The following NUDT3 variants were observed in gnomAD, a reference collection of about 807,000 sequenced individuals.
NUDT3 encodes nudix hydrolase 3, also known as diphosphoinositol polyphosphate phosphohydrolase 1.
Under a neutral mutation model 23.6 loss-of-function variants are expected in NUDT3, and 9 were observed. That is an observed-to-expected ratio of 0.38 (90% CI 0.23 to 0.66). The LOEUF is 0.66. NUDT3 is among the 30% of genes least tolerant of loss of function. The probability of loss-of-function intolerance (pLI) is 0.52; values close to 1 mark genes in which losing one functional copy is unlikely to be tolerated. For missense variants in NUDT3, 172 were observed against 218.5 expected, an observed-to-expected ratio of 0.79 and a Z score of 1.34; for synonymous variants, 86 against 82.6, an observed-to-expected ratio of 1.04 and a Z score of -0.22.
intron 2 of NUDT3, among the ~76,000 whole-genome samples, chr6:34,312,222 C>G (rs1204649866): frequency 6.6e-6 from 1 of 151,794 alleles, no homozygotes; most frequent in Non-Finnish European, 1.5e-5. Flanking sequence ...GCCAACATGC[C>G]AAAACCCCGT....
At position 34,345,761 on chromosome 6, in the gene NUDT3, C is replaced by CTTTTG. The variant is rs139229590; in HGVS notation, c.100-3794_100-3790dup. Among the ~76,000 whole-genome samples, 732 of 150,692 alleles carry CTTTTG rather than the reference C, an allele frequency of 4.9e-3. 6 individuals are homozygous for CTTTTG. The highest frequency in any genetic ancestry group is 0.016 in the African/African-American group (641 of 41,092). ...GTAACCTTCCAGAAGGTTATCCTTACTTTTGTTTTGTTTTGTTTTGTTTTG... is the reference window on the plus strand; with the variant it reads ...GTAACCTTCCAGAAGGTTATCCTTACTTTTGTTTTGTTTTGTTTTGTTTTGTTTTG... On this transcript the variant is annotated intron_variant, in intron 1 of 4. Transcript: ENST00000607016.
chr6:34,350,709 A>G (rs909525884), intron 1 of NUDT3, among the ~76,000 whole-genome samples: 1 of 150,800 alleles, frequency 6.6e-6, no homozygotes, highest in Non-Finnish European at 1.5e-5. Context: ...TATTTTTTTT[A>G]GCTACAGAGG....
Position 34,308,511 on chromosome 6 carries a change from G to C in NUDT3, c.211-12826C>G, listed in dbSNP as rs144347333. Reference sequence around the variant, plus strand: ...ACTGTCAGAGTGCATCACAAAACAAGAGTCATCCAATATGTTTAATATGTT... The same window carrying C: ...ACTGTCAGAGTGCATCACAAAACAACAGTCATCCAATATGTTTAATATGTT... On this transcript the variant is annotated intron_variant, in intron 2 of 4. Transcript: ENST00000607016. Among the ~76,000 whole-genome samples the C allele has an allele frequency of 4.7e-5, 7 of 149,598 alleles. No homozygotes were observed. The East Asian group carries it at 1.2e-3, about 25-fold the overall frequency.
intron 1 of NUDT3, among the ~76,000 whole-genome samples, chr6:34,380,670 G>A (rs1667066230): frequency 6.6e-6 from 1 of 152,088 alleles, no homozygotes; most frequent in Non-Finnish European, 1.5e-5. Context: ...ATGTCCTTGG[G>A]GATGAGAAAA....
chr6:34,362,970 C>A (rs1349861808), intron 1 of NUDT3, among the ~76,000 whole-genome samples: 1 of 152,126 alleles, frequency 6.6e-6, no homozygotes, highest in African/African-American at 2.4e-5. Context: ...CATGAGCTAA[C>A]CCTCATGAGA....
At chr6:34,324,056 TA>T (rs2113720072) in intron 2 of NUDT3, among the ~76,000 whole-genome samples, 1 of 152,218 alleles carries the variant, frequency 6.6e-6, no homozygotes, top group South Asian at 2.1e-4. Context: ...CAGGAGCACT[TA>T]AAAGCCTTCA....
chr6:34,340,510 A>C (rs1000347618), intron 2 of NUDT3, among the ~76,000 whole-genome samples: 2 of 152,210 alleles, frequency 1.3e-5, no homozygotes, highest in Non-Finnish European at 2.9e-5. Flanking sequence ...ATTAACTGAC[A>C]GTAACAGAAA....
chr6:34,321,497 G>T (rs986007030), intron 2 of NUDT3, among the ~76,000 whole-genome samples: 1 of 152,006 alleles, frequency 6.6e-6, no homozygotes, highest in Non-Finnish European at 1.5e-5. Context: ...ATCATTAATA[G>T]AATTAGTTTT....
At chr6:34,290,455 A>C (rs1457002776) in intron 4 of NUDT3, among the ~76,000 whole-genome samples, 2 of 145,272 alleles carry the variant, frequency 1.4e-5, no homozygotes, top group Non-Finnish European at 3.0e-5. Flanking sequence ...TCCTGGCCTC[A>C]AGTGATCCTC....
At chr6:34,292,490 C>G (rs1480210252) in intron 4 of NUDT3, among the ~76,000 whole-genome samples, 3 of 152,054 alleles carry the variant, frequency 2.0e-5, no homozygotes, top group Non-Finnish European at 4.4e-5. Context: ...TAACAGCCAT[C>G]TGAGATCAAA....
intron 2 of NUDT3, among the ~76,000 whole-genome samples, chr6:34,328,150 C>G: frequency 6.6e-6 from 1 of 152,156 alleles, no homozygotes; most frequent in Non-Finnish European, 1.5e-5. Context: ...GCCTCGGCAC[C>G]TGGGTAATCT....
chr6:34,291,104 G>C (rs531498408), intron 4 of NUDT3, among the ~76,000 whole-genome samples: 79 of 151,958 alleles, frequency 5.2e-4, no homozygotes, highest in African/African-American at 1.8e-3. Flanking sequence ...GACTACAGGT[G>C]CACACCACCA....
At position 34,366,473 on chromosome 6, in the gene NUDT3, AAGGGAGGGAGGGAGGG is replaced by A. The variant is rs529092584; in HGVS notation, c.100-24517_100-24502del. ...GAGAGAGAGAGAAAGAGAGAGAGGGAAGGGAGGGAGGGAGGGAGGGAGGGAGGGAGGGAGGGAGGGA... is the reference window on the plus strand; with the variant it reads ...GAGAGAGAGAGAAAGAGAGAGAGGGAAGGGAGGGAGGGAGGGAGGGAGGGA... On this transcript the variant is annotated intron_variant, in intron 1 of 4. Coordinates refer to ENST00000607016, the MANE Select transcript of NUDT3 (RefSeq NM_006703.4). Among the ~76,000 whole-genome samples, 144 of 29,822 alleles carry A rather than the reference AAGGGAGGGAGGGAGGG, an allele frequency of 4.8e-3. 1 individual carries two copies. The highest frequency in any genetic ancestry group is 0.01 in the African/African-American group (71 of 6,878). 19.6% of individuals were successfully genotyped at this position (29,822 alleles called of 152,430 possible). A position where few individuals can be genotyped will look rare whatever the true frequency, so the allele number is the denominator to read the frequency against.
At chr6:34,307,512 C>G (rs192581365) in intron 2 of NUDT3, among the ~76,000 whole-genome samples, 1 of 151,920 alleles carries the variant, frequency 6.6e-6, no homozygotes, top group African/African-American at 2.4e-5. Context: ...GGAGGTTGAG[C>G]CTGCAGTGAG....
Position 34,312,802 on chromosome 6 carries a change from G to A in NUDT3, c.211-17117C>T, listed in dbSNP as rs548395492. On this transcript the variant is annotated intron_variant, in intron 2 of 4. Coordinates refer to ENST00000607016, the MANE Select transcript of NUDT3 (RefSeq NM_006703.4). ...CTTCAGTAGGTGAATGGATAAATAA[G>A]GTGTGGTACATTTACACAAAGGATT... Among the ~76,000 whole-genome samples the A allele has an allele frequency of 2.6e-5, 4 of 152,280 alleles. No homozygotes were observed. In the South Asian group the frequency reaches 8.3e-4, roughly 32 times the overall value.
At chr6:34,293,612 T>C (rs568293760) in intron 3 of NUDT3, 77 bp from the exon 4 acceptor site, 11 of 1,535,100 alleles carry the variant, frequency 7.2e-6, no homozygotes, top group South Asian at 3.4e-5. Flanking sequence ...CACACTCTTA[T>C]GCATATGTCC....
In NUDT3 at chr6:34,287,290, G is replaced by A. The variant is rs979964627; in HGVS notation, c.*1463C>T. On this transcript the variant is annotated 3_prime_UTR_variant, in exon 5 of 5. Coordinates refer to ENST00000607016, the MANE Select transcript of NUDT3 (RefSeq NM_006703.4). ...TAAGGAGATGCCACTGGAGTACAGAGATAATCTCCTGTCTTAAGCCACGGA... is the reference window on the plus strand; with the variant it reads ...TAAGGAGATGCCACTGGAGTACAGAAATAATCTCCTGTCTTAAGCCACGGA... The A allele has an allele frequency of 7.9e-5, 12 of 152,156 alleles. No homozygotes were observed. Among genetic ancestry groups the A allele is most frequent in the African/African-American group, 2.6e-4 (11 of 41,568 alleles). The allele number at this position is 152,156 out of a possible 1,614,324, so 9.4% of individuals were successfully genotyped here. A position where few individuals can be genotyped will look rare whatever the true frequency, so the allele number is the denominator to read the frequency against.
chr6:34,373,001 C>A (rs953076749), intron 1 of NUDT3, among the ~76,000 whole-genome samples: 1 of 151,540 alleles, frequency 6.6e-6, no homozygotes, highest in Admixed American at 6.6e-5. Flanking sequence ...GCGCGTGTGC[C>A]GGGCGCGGTG....
At chr6:34,359,610 C>CT (rs1300296197) in intron 1 of NUDT3, among the ~76,000 whole-genome samples, 1 of 152,164 alleles carries the variant, frequency 6.6e-6, no homozygotes, top group Non-Finnish European at 1.5e-5. Context: ...CACCTCATTC[C>CT]TTATAGCTGA....
Sources: gnomAD v4.1 joint callset for allele counts (sites outside exome capture counted in the v4.1 genomes callset) on GRCh38, gnomAD v4.1.1 for gene constraint, MANE v1.5 for transcripts, NCBI Gene and HGNC (gene_info 2026-07-23, HGNC 2026-07-21) for gene names.